PDCD6: variants seen among roughly 807,000 people sequenced by gnomAD.
The protein encoded by PDCD6 is programmed cell death protein 6.
In PDCD6, 12 loss-of-function variants were observed where a neutral mutation model predicts 28.3. The observed-to-expected ratio is 0.42, with a 90% CI of 0.27 to 0.69. The LOEUF (loss-of-function observed/expected upper bound fraction) is 0.69. PDCD6 is among the 30% of genes least tolerant of loss of function. The pLI is 0.22. For missense variants in PDCD6, 226 were observed against 269.9 expected (o/e 0.84, Z 1.14); for synonymous variants, 92 against 108.0 (o/e 0.85, Z 0.92).
At chr5:273,881 AC>A (rs1317397845) in intron 2 of PDCD6, among the ~76,000 whole-genome samples, 1 of 151,136 alleles carries the variant, frequency 6.6e-6, no homozygotes, top group Non-Finnish European at 1.5e-5. Context: ...TGTTATCTCT[AC>A]ACTAGTGATT....
At chr5:292,450 G>T (rs916258725) in intron 2 of PDCD6, among the ~76,000 whole-genome samples, 13 of 152,138 alleles carry the variant, frequency 8.5e-5, no homozygotes, top group African/African-American at 3.1e-4. Context: ...CTAGAGATGG[G>T]GTTTCACCAT....
At chr5:279,824 A>G (rs1738456042) in intron 2 of PDCD6, among the ~76,000 whole-genome samples, 1 of 147,862 alleles carries the variant, frequency 6.8e-6, no homozygotes, top group African/African-American at 2.5e-5. Flanking sequence ...CCGGTGCTGC[A>G]GTTCATTAAT....
intron 2 of PDCD6, among the ~76,000 whole-genome samples, chr5:292,463 T>C (rs1739371040): frequency 6.6e-6 from 1 of 152,166 alleles, no homozygotes; most frequent in Non-Finnish European, 1.5e-5. Flanking sequence ...TTCACCATGT[T>C]GTCCAGACTG....
In PDCD6 at chr5:276,415, T is replaced by G. The variant is rs1354441223; in HGVS notation, c.163+3643T>G. 11 of 989,200 alleles carry G rather than the reference T, an allele frequency of 1.1e-5. No individual in the cohort carries two copies. In the East Asian group the frequency reaches 1.1e-3, roughly 102 times the overall value. The allele number at this position is 989,200 out of a possible 1,614,324, so 61.3% of individuals were successfully genotyped here. A position where few individuals can be genotyped will look rare whatever the true frequency, so the allele number is the denominator to read the frequency against. ...GTGTTGTATGTACAGGCACACAAAA[T>G]TTGTCCTTGGATAAACACATATCCT... On this transcript the variant is annotated intron_variant, in intron 2 of 5. Coordinates refer to ENST00000264933, the MANE Select transcript of PDCD6 (RefSeq NM_013232.4).
intron 2 of PDCD6, among the ~76,000 whole-genome samples, chr5:281,323 C>G (rs1333233224): frequency 6.6e-6 from 1 of 152,072 alleles, no homozygotes; most frequent in Non-Finnish European, 1.5e-5. Flanking sequence ...CTGGTGCTAT[C>G]GCTGTTCAAA....
At chr5:306,232 C>T in intron 3 of PDCD6, 1 of 236,532 alleles carries the variant, frequency 4.2e-6, no homozygotes, top group Non-Finnish European at 8.8e-6. Flanking sequence ...GCCAGGGGAG[C>T]TGGGGCCACT....
chr5:289,890 A>G (rs1739214266), intron 2 of PDCD6: 6 of 1,509,828 alleles, frequency 4.0e-6, no homozygotes, highest in Middle Eastern at 4.7e-4. Context: ...GATTTAAACT[A>G]TTGGAATTGT....
intron 2 of PDCD6, among the ~76,000 whole-genome samples, chr5:284,205 C>G (rs1365295473): frequency 6.6e-6 from 1 of 151,640 alleles, no homozygotes; most frequent in Non-Finnish European, 1.5e-5. Flanking sequence ...CAGCTGCAGA[C>G]CGGGAGAGGA....
rs1465162696 is a variant in PDCD6 at position 314,782 on chromosome 5, CA to C, written c.*274del. On this transcript the variant is annotated 3_prime_UTR_variant, in exon 6 of 6. Coordinates refer to ENST00000264933, the MANE Select transcript of PDCD6 (RefSeq NM_013232.4). Reference sequence around the variant, plus strand: ...TGTAATGTTTCAGGCATTCTGCTTGCAAAAAAATCTATCATGTGCTTTTCTA... The same window carrying C: ...TGTAATGTTTCAGGCATTCTGCTTGCAAAAAATCTATCATGTGCTTTTCTA... 5.7e-6 allele frequency: 3 copies of C among 526,154 alleles called. No homozygotes were observed. The highest frequency in any genetic ancestry group is 1.0e-5 in the Non-Finnish European group (3 of 285,830). The allele number at this position is 526,154 out of a possible 1,614,324, so 32.6% of individuals were successfully genotyped here. A position where few individuals can be genotyped will look rare whatever the true frequency, so the allele number is the denominator to read the frequency against.
intron 2 of PDCD6, among the ~76,000 whole-genome samples, chr5:292,366 C>G (rs936620922): frequency 6.6e-6 from 1 of 152,196 alleles, no homozygotes; most frequent in Non-Finnish European, 1.5e-5. Context: ...TCAAGTGATT[C>G]TCCTGCCTCA....
At chr5:302,145 C>T (rs1159911705) in intron 2 of PDCD6, among the ~76,000 whole-genome samples, 1 of 128,790 alleles carries the variant, frequency 7.8e-6, no homozygotes, top group Non-Finnish European at 1.6e-5. Flanking sequence ...GTGGGAATAG[C>T]ACAGCTTCCC....
At chr5:298,623 GC>G in intron 2 of PDCD6, among the ~76,000 whole-genome samples, 1 of 122,512 alleles carries the variant, frequency 8.2e-6, no homozygotes. Context: ...AGCGGACCCT[GC>G]CCCCACCCAG....
At chr5:306,878 G>T in intron 4 of PDCD6, 118 bp downstream of exon 4, 1 of 1,008,886 alleles carries the variant, frequency 9.9e-7, no homozygotes, top group South Asian at 1.4e-5. Context: ...TAAAGTTTTT[G>T]TTGACGTCAT....
chr5:286,267 C>T (rs376317388), intron 2 of PDCD6, among the ~76,000 whole-genome samples: 1 of 150,994 alleles, frequency 6.6e-6, no homozygotes, highest in East Asian at 2.0e-4. Flanking sequence ...GAGGACTGTG[C>T]AGCTGGAGAC....
chr5:296,162 A>G (rs938439769), intron 2 of PDCD6, among the ~76,000 whole-genome samples: 23 of 152,216 alleles, frequency 1.5e-4, no homozygotes, highest in East Asian at 1.9e-4. Flanking sequence ...ATCCATTTCT[A>G]TGTTATTCAG....
chr5:284,903 T>TG (rs2126706786), intron 2 of PDCD6, among the ~76,000 whole-genome samples: 1 of 133,564 alleles, frequency 7.5e-6, no homozygotes, highest in South Asian at 2.8e-4. Flanking sequence ...TCTGAGGGTC[T>TG]TGCAGCTGGA....
chr5:298,231 G>A (rs576673682), intron 2 of PDCD6, among the ~76,000 whole-genome samples: 24 of 152,190 alleles, frequency 1.6e-4, no homozygotes, highest in African/African-American at 5.5e-4. Context: ...GGTCTCTGAG[G>A]GGTGCCTGGA....
At chr5:276,014 T>C in intron 2 of PDCD6, 1 of 1,285,814 alleles carries the variant, frequency 7.8e-7, no homozygotes, top group Non-Finnish European at 1.0e-6. Context: ...CTCTGTAGGA[T>C]GAAGCCCCAC....
intron 1 of PDCD6, 69 bp downstream of exon 1, chr5:271,890 C>G: frequency 1.3e-6 from 1 of 794,204 alleles, no homozygotes. Context: ...TCCCGACTCC[C>G]CCGACCAACC....
Sources: gnomAD v4.1 joint callset for allele counts (sites outside exome capture counted in the v4.1 genomes callset) on GRCh38, gnomAD v4.1.1 for gene constraint, MANE v1.5 for transcripts, NCBI Gene and HGNC (gene_info 2026-07-23, HGNC 2026-07-21) for gene names.